The following ZFP64 variants were observed in gnomAD, a reference collection of about 807,000 sequenced individuals.
ZFP64 encodes the protein ZFP64 zinc finger protein.
In ZFP64, 14 loss-of-function variants were observed where a neutral mutation model predicts 51.6. That is an observed-to-expected ratio of 0.27 (90% confidence interval 0.18 to 0.42). The LOEUF is 0.42. Among genes scored for constraint, ZFP64 ranks in the 10% least tolerant of loss-of-function variants. ZFP64 has a pLI of 1.00. For synonymous variants in ZFP64, 375 were observed against 361.4 expected (o/e 1.04, Z -0.43); for missense variants, 754 against 906.8 (o/e 0.83, Z 2.16).
At chr20:52,171,640 C>A (rs996847151) in intron 2 of ZFP64, among the ~76,000 whole-genome samples, 1 of 152,200 alleles carries the variant, frequency 6.6e-6, no homozygotes, top group African/African-American at 2.4e-5. Flanking sequence ...CAGGCACACA[C>A]CACCACACCT....
At chr20:52,098,645 T>C in intron 5 of ZFP64, 1 of 1,605,652 alleles carries the variant, frequency 6.2e-7, no homozygotes, top group Non-Finnish European at 8.5e-7. Context: ...TGCTAAGTCT[T>C]AGAATACAGT....
intron 7 of ZFP64, among the ~76,000 whole-genome samples, chr20:52,094,629 C>T (rs894138627): frequency 2.0e-5 from 3 of 152,158 alleles, no homozygotes; most frequent in Admixed American, 6.5e-5. Context: ...CGAAATGGGG[C>T]ATGCCTGCAG....
intron 5 of ZFP64, among the ~76,000 whole-genome samples, chr20:52,156,603 A>T (rs1981341638): frequency 6.6e-6 from 1 of 152,290 alleles, no homozygotes; most frequent in African/African-American, 2.4e-5. Flanking sequence ...GAAAAAGCAT[A>T]TTGCATCTAT....
At chr20:52,155,137 A>C (rs1981202418) in intron 5 of ZFP64, among the ~76,000 whole-genome samples, 1 of 152,230 alleles carries the variant, frequency 6.6e-6, no homozygotes, top group African/African-American at 2.4e-5. Flanking sequence ...TGTTTCATTA[A>C]TGAATTCAAG....
chr20:52,152,088 C>G lies in ZFP64; in HGVS notation c.*58G>C, dbSNP rs1364632699. 19 of 1,557,870 alleles carry G rather than the reference C, an allele frequency of 1.2e-5. No individual in the cohort carries two copies. The highest frequency in any genetic ancestry group is 1.6e-5 in the Non-Finnish European group (18 of 1,154,028). On this transcript the variant is annotated 3_prime_UTR_variant, in exon 6 of 6. Transcript: ENST00000216923. Reference sequence around the variant, plus strand: ...TTAAGAGCAAACCTTTTAGAGAATTCTACTTAAGATTTCTTTTTCTCAATT... The same window carrying G: ...TTAAGAGCAAACCTTTTAGAGAATTGTACTTAAGATTTCTTTTTCTCAATT...
chr20:52,116,085 C>T (rs1978852747), intron 5 of ZFP64, among the ~76,000 whole-genome samples: 1 of 151,494 alleles, frequency 6.6e-6, no homozygotes, highest in African/African-American at 2.4e-5. Context: ...CTGCCCGCCT[C>T]ATCCTCCCAA....
chr20:52,140,960 G>C (rs1980225844), intron 5 of ZFP64, among the ~76,000 whole-genome samples: 1 of 152,088 alleles, frequency 6.6e-6, no homozygotes, highest in Non-Finnish European at 1.5e-5. Flanking sequence ...AAAATCCTAA[G>C]GCCCTTAAGA....
chr20:52,142,455 A>G (rs971924392), intron 5 of ZFP64, among the ~76,000 whole-genome samples: 2 of 151,750 alleles, frequency 1.3e-5, no homozygotes, highest in Admixed American at 1.3e-4. Flanking sequence ...TATTTGGGTG[A>G]TAGTTACATT....
At chr20:52,129,281 T>A (rs1436855715) in intron 5 of ZFP64, among the ~76,000 whole-genome samples, 1 of 151,480 alleles carries the variant, frequency 6.6e-6, no homozygotes, top group Non-Finnish European at 1.5e-5. Context: ...TTTTTTGTAT[T>A]TTTAGTAGAG....
chr20:52,100,433 A>G (rs1226558311), intron 5 of ZFP64, among the ~76,000 whole-genome samples: 1 of 152,012 alleles, frequency 6.6e-6, no homozygotes, highest in Non-Finnish European at 1.5e-5. Context: ...TTTAGTAGAG[A>G]CAGGGTTTCA....
chr20:52,093,159 TAGAC>T lies in ZFP64; in HGVS notation c.976+4210_976+4213del, dbSNP rs199784554. Among the ~76,000 whole-genome samples, 223 of 152,126 alleles carry T rather than the reference TAGAC, an allele frequency of 1.5e-3. 1 individual carries two copies. In the East Asian group the frequency reaches 0.015, roughly 10 times the overall value. On this transcript the variant is annotated intron_variant, in intron 7 of 8. Transcript: ENST00000361387. ...AAAAAAAAAATTTTTTTTTTTTTAA[TAGAC>T]AGAGCCTCACTCTGTCCCCAAGGCT...
intron 5 of ZFP64, among the ~76,000 whole-genome samples, chr20:52,126,150 G>C (rs953582959): frequency 7.2e-5 from 11 of 152,068 alleles, no homozygotes; most frequent in African/African-American, 2.4e-4. Flanking sequence ...CGCCTGCCTC[G>C]GCCTCCCAAA....
At position 52,152,075 on chromosome 20, in the gene ZFP64, CTTTTAG is replaced by C. The variant is rs1297737212; in HGVS notation, c.*65_*70del. On this transcript the variant is annotated 3_prime_UTR_variant, in exon 6 of 6. Transcript: ENST00000216923. The stretch of plus-strand genomic sequence containing the variant: ...AACAAAGAAAACATTAAGAGCAAAC[CTTTTAG>C]AGAATTCTACTTAAGATTTCTTTTT... The C allele has an allele frequency of 6.5e-7, 1 of 1,537,336 alleles. No individual in the cohort carries two copies. Among genetic ancestry groups the C allele is most frequent in the Non-Finnish European group, 8.7e-7 (1 of 1,144,660 alleles).
At chr20:52,094,996 A>G (rs549701714) in intron 7 of ZFP64, among the ~76,000 whole-genome samples, 1 of 152,300 alleles carries the variant, frequency 6.6e-6, no homozygotes, top group African/African-American at 2.4e-5. Context: ...CTTCAATTTG[A>G]ACTGAAGCAC....
At chr20:52,142,377 G>GACACACACACACACACACACACAC (rs142317072) in intron 5 of ZFP64, among the ~76,000 whole-genome samples, 1 of 118,370 alleles carries the variant, frequency 8.4e-6, no homozygotes, top group Non-Finnish European at 1.8e-5. Context: ...CACACACACA[G>GACACACACACACACACACACACAC]ACACACACAC....
Position 52,153,566 on chromosome 20 carries a change from G to T in ZFP64, c.764-138C>A. The stretch of plus-strand genomic sequence containing the variant: ...TAACTGCAGCTTCTAGCAGCCCCTG[G>T]CAGTGGGGGAAGAGGGGCAGGGCGT... On this transcript the variant is annotated intron_variant, in intron 5 of 5. Transcript: ENST00000216923. The surrounding 1 kb of genome is among the most constrained non-coding windows in gnomAD (Gnocchi z 5.1). The T allele has an allele frequency of 7.6e-7, 1 of 1,321,946 alleles. No homozygotes were observed. Among genetic ancestry groups the T allele is most frequent in the Non-Finnish European group, 1.0e-6 (1 of 1,000,178 alleles). The allele number at this position is 1,321,946 out of a possible 1,614,324, so 81.9% of individuals were successfully genotyped here. A position where few individuals can be genotyped will look rare whatever the true frequency, so the allele number is the denominator to read the frequency against.
chr20:52,152,821 G>A lies in ZFP64; in HGVS notation c.1371C>T (p.Asp457=), dbSNP rs1479719396. The stretch of plus-strand genomic sequence containing the variant: ...CGATCTGAAACTGGAGAACGGTCAC[G>A]TCCGAGTTCTTACTCTCACTGTACT... The part of the protein sequence containing the change: ...HSEYSESKNS[D]VTVLQFQIDP... The change falls in exon 6 of 6, where the codon GAC becomes GAT. Residue 457 remains aspartate (D), a synonymous_variant. Coordinates refer to ENST00000216923, the MANE Select transcript of ZFP64 (RefSeq NM_018197.3). 1 of 1,613,638 alleles carries A rather than the reference G, an allele frequency of 6.2e-7. No individual in the cohort carries two copies. Among genetic ancestry groups the A allele is most frequent in the Non-Finnish European group, 8.5e-7 (1 of 1,179,590 alleles).
At position 52,153,355 on chromosome 20, in the gene ZFP64, C is replaced by T. The variant is rs370622659; in HGVS notation, c.837G>A (p.Arg279=). 1 of 1,614,216 alleles carries T rather than the reference C, an allele frequency of 6.2e-7. No individual in the cohort carries two copies. Among genetic ancestry groups the T allele is most frequent in the East Asian group, 2.2e-5 (1 of 44,888 alleles). ...KISSDLKRHM[R]VHSGEKPFKC... ...TGAAAGGCTTCTCCCCCGAGTGCAC[C>T]CGCATGTGCCTTTTCAAGTCCGAGC... The change falls in exon 6 of 6, where the codon CGG becomes CGA. Residue 279 remains arginine (R), a synonymous_variant. Transcript: ENST00000216923. The surrounding 1 kb of genome is among the most constrained non-coding windows in gnomAD (Gnocchi z 5.1).
chr20:52,151,193 G>A, downstream of ZFP64: 1 of 981,022 alleles, frequency 1.0e-6, no homozygotes, highest in South Asian at 4.7e-5. Flanking sequence ...AAAAACCTTT[G>A]CTGCTTCAGT....
Sources: allele counts gnomAD v4.1 joint callset (sites outside exome capture counted in the v4.1 genomes callset), GRCh38; gene constraint gnomAD v4.1.1; non-coding constraint Gnocchi (gnomAD v3.1); transcripts MANE v1.5; gene names NCBI Gene and HGNC (gene_info 2026-07-23, HGNC 2026-07-21).